ACSL1: variants seen among roughly 807,000 people sequenced by gnomAD.
ACSL1 encodes long-chain-fatty-acid--CoA ligase 1.
Under a neutral mutation model 98.4 loss-of-function variants are expected in ACSL1, and 41 were observed. The observed-to-expected ratio is 0.42, with a 90% confidence interval of 0.32 to 0.54. The LOEUF (loss-of-function observed/expected upper bound fraction) is 0.54, where lower values mean the gene tolerates loss of function less well. Among genes scored for constraint, ACSL1 ranks in the 20% least tolerant of loss-of-function variants. The probability of loss-of-function intolerance (pLI) is 0.13; values close to 1 mark genes in which losing one functional copy is unlikely to be tolerated. For synonymous variants in ACSL1, 316 were observed against 322.7 expected (o/e 0.98, Z 0.22); for missense variants, 734 against 883.1 (o/e 0.83, Z 2.14).
Position 184,766,111 on chromosome 4 carries a change from C to A in ACSL1, c.1264-125G>T. 3 of 811,960 alleles carry A rather than the reference C, an allele frequency of 3.7e-6. No homozygotes were observed. The highest frequency in any genetic ancestry group is 3.4e-4 in the Middle Eastern group (1 of 2,918). The allele number at this position is 811,960 out of a possible 1,614,324, so 50.3% of individuals were successfully genotyped here. A position where few individuals can be genotyped will look rare whatever the true frequency, so the allele number is the denominator to read the frequency against. ...ATAGCTGCAGACCACACGGAGGCCA[C>A]ACGGAGAACTCACAGCCCTCATGAT... On this transcript the variant is annotated intron_variant, in intron 13 of 20. Coordinates refer to ENST00000281455, the MANE Select transcript of ACSL1 (RefSeq NM_001995.5). The surrounding 1 kb of genome is among the most constrained non-coding windows in gnomAD (Gnocchi z 4.8).
chr4:184,790,788 C>T (rs532617606), intron 2 of ACSL1, among the ~76,000 whole-genome samples: 33 of 152,238 alleles, frequency 2.2e-4, no homozygotes, highest in African/African-American at 6.7e-4. Context: ...CTTGTGCACC[C>T]GATAACATGC....
chr4:184,757,554 T>C lies in ACSL1; in HGVS notation c.1956+81A>G, dbSNP rs1203914462. 7.5e-7 allele frequency: 1 copy of C among 1,330,260 alleles called. No homozygotes were observed. Among genetic ancestry groups the C allele is most frequent in the East Asian group, 2.3e-5 (1 of 43,626 alleles). The allele number at this position is 1,330,260 out of a possible 1,614,324, so 82.4% of individuals were successfully genotyped here. A position where few individuals can be genotyped will look rare whatever the true frequency, so the allele number is the denominator to read the frequency against. The stretch of plus-strand genomic sequence containing the variant: ...ATGTATGTCTTTAGGTCACCCCATA[T>C]GTTTATATAATCTACCTGTAAAAAA... On this transcript the variant is annotated intron_variant, in intron 20 of 20. Coordinates refer to ENST00000281455, the MANE Select transcript of ACSL1 (RefSeq NM_001995.5). This position sits in a 1 kb window ranked among gnomAD's most constrained non-coding sequence, Gnocchi z 4.5.
At chr4:184,795,823 C>T (rs1296219938) in intron 2 of ACSL1, among the ~76,000 whole-genome samples, 1 of 152,180 alleles carries the variant, frequency 6.6e-6, no homozygotes, top group East Asian at 1.9e-4. Context: ...TATTAAGAAG[C>T]TCATTAAGTT....
chr4:184,793,774 G>A (rs139733603), intron 2 of ACSL1, among the ~76,000 whole-genome samples: 108 of 152,296 alleles, frequency 7.1e-4, no homozygotes, highest in African/African-American at 2.5e-3. Flanking sequence ...CATCTCTAGG[G>A]TGCAAAGGAG....
rs922111243 is a variant in ACSL1, at chr4:184,804,765, A to T, written c.-32-1219T>A. Among the ~76,000 whole-genome samples, 3 of 152,110 alleles carry T rather than the reference A, an allele frequency of 2.0e-5. No homozygotes were observed. The South Asian group carries it at 6.2e-4, about 32-fold the overall frequency. ...TTTCTGACTGCTAAATGACTCACAT[A>T]AAGAGGTAAGAATGATCTCACACAC... is the stretch of plus-strand genomic sequence containing the variant. On this transcript the variant is annotated intron_variant, in intron 1 of 20. Transcript: ENST00000281455.
rs1766034600 is a variant in ACSL1 at position 184,780,341 on chromosome 4, A to G, written c.468T>C (p.Asn156=). ...ACCTACTGGTTCATACCTCAGGTCT[A>G]TTTTGAGCAAAGATGCCAATGAACT... The part of the protein sequence containing the change: ...PDQFIGIFAQ[N]RPEWVIIEQG... The change falls in exon 5 of 21, where the codon AAT becomes AAC. Residue 156 remains asparagine, a synonymous_variant. Coordinates refer to ENST00000281455, the MANE Select transcript of ACSL1 (RefSeq NM_001995.5). 8 of 1,613,720 alleles carry G rather than the reference A, an allele frequency of 5.0e-6. No individual in the cohort carries two copies. The highest frequency in any genetic ancestry group is 2.2e-5 in the East Asian group (1 of 44,882).
intron 1 of ACSL1, among the ~76,000 whole-genome samples, chr4:184,808,938 A>G (rs767275668): frequency 7.2e-5 from 11 of 152,200 alleles, no homozygotes; most frequent in Non-Finnish European, 1.5e-4. Flanking sequence ...TCTGAGCATC[A>G]GGAGAAAGAT....
chr4:184,818,638 GC>G (rs1168286052), intron 1 of ACSL1, among the ~76,000 whole-genome samples: 7 of 152,150 alleles, frequency 4.6e-5, no homozygotes, highest in Admixed American at 1.3e-4. Context: ...TAGCGGTAAG[GC>G]CCTGTATTAA....
intron 15 of ACSL1, 65 bp downstream of exon 15, chr4:184,764,788 T>C (rs1763334592): frequency 6.9e-7 from 1 of 1,439,358 alleles, no homozygotes; most frequent in Non-Finnish European, 9.5e-7. Flanking sequence ...TTAACCCAAT[T>C]CCAGACATAC....
intron 17 of ACSL1, among the ~76,000 whole-genome samples, chr4:184,761,628 C>A (rs143864813): frequency 6.6e-6 from 1 of 152,266 alleles, no homozygotes; most frequent in East Asian, 1.9e-4. Context: ...CTGTGAAACA[C>A]CCTATTTTTA....
chr4:184,780,027 C>T (rs1765973994), intron 5 of ACSL1, among the ~76,000 whole-genome samples: 1 of 152,118 alleles, frequency 6.6e-6, no homozygotes, highest in African/African-American at 2.4e-5. Flanking sequence ...TGTGTGCCAC[C>T]AGGCCTGGCT....
In ACSL1 at chr4:184,772,962, T is replaced by C. The variant is rs145286552; in HGVS notation, c.915+119A>G. The C allele has an allele frequency of 1.2e-3, 1,075 of 888,552 alleles. 8 individuals are homozygous for C. The African/African-American group carries it at 0.015, about 12-fold the overall frequency. The allele number at this position is 888,552 out of a possible 1,614,324, so 55.0% of individuals were successfully genotyped here. On this transcript the variant is annotated intron_variant, in intron 10 of 20. Transcript: ENST00000281455. ...GCCTAAAGTTCTGACCTTACCCATA[T>C]GTCACATCGTTTCTAAATGCCACAT...
chr4:184,796,242 C>T (rs1384277841), intron 2 of ACSL1, among the ~76,000 whole-genome samples: 4 of 152,200 alleles, frequency 2.6e-5, no homozygotes, highest in Non-Finnish European at 2.9e-5. Context: ...AGTCCTTCAG[C>T]GTTGGGACTC....
chr4:184,770,967 T>C (rs1764423007), intron 10 of ACSL1, among the ~76,000 whole-genome samples: 2 of 151,978 alleles, frequency 1.3e-5, no homozygotes, highest in Admixed American at 1.3e-4. Context: ...CTACTAAAAA[T>C]ACAAAAATTA....
At chr4:184,792,421 A>G (rs1768545300) in intron 2 of ACSL1, among the ~76,000 whole-genome samples, 1 of 152,098 alleles carries the variant, frequency 6.6e-6, no homozygotes, top group East Asian at 1.9e-4. Context: ...TGAAAAGACC[A>G]CACATTCTAA....
At chr4:184,769,325 C>T (rs1451103421) in intron 11 of ACSL1, among the ~76,000 whole-genome samples, 1 of 152,056 alleles carries the variant, frequency 6.6e-6, no homozygotes, top group African/African-American at 2.4e-5. Flanking sequence ...ACAAACCATG[C>T]TGGCAAGCCA....
intron 10 of ACSL1, among the ~76,000 whole-genome samples, chr4:184,770,764 A>C (rs1009515684): frequency 6.6e-6 from 1 of 152,226 alleles, no homozygotes; most frequent in Non-Finnish European, 1.5e-5. Flanking sequence ...TTCTGAGCAC[A>C]TAGTACCTCA....
chr4:184,785,933 C>T (rs1767216327), intron 3 of ACSL1, among the ~76,000 whole-genome samples: 1 of 152,154 alleles, frequency 6.6e-6, no homozygotes, highest in Non-Finnish European at 1.5e-5. Flanking sequence ...CTCTGGGTTC[C>T]TCCCACATCC....
chr4:184,821,232 GA>G, intron 1 of ACSL1: 1 of 382,070 alleles, frequency 2.6e-6, no homozygotes, highest in South Asian at 1.8e-5. Context: ...CAGACACCTG[GA>G]CCCTGAAGGA....
Sources: allele counts gnomAD v4.1 joint callset (sites outside exome capture counted in the v4.1 genomes callset), GRCh38; gene constraint gnomAD v4.1.1; non-coding constraint Gnocchi (gnomAD v3.1); transcripts MANE v1.5; gene names NCBI Gene and HGNC (gene_info 2026-07-23, HGNC 2026-07-21).